The following ZBTB20 variants were observed in gnomAD, a reference collection of about 807,000 sequenced individuals.
ZBTB20 encodes the protein zinc finger and BTB domain containing 20.
In ZBTB20, 9 loss-of-function variants were observed where a neutral mutation model predicts 56.9. The ratio of observed to expected loss-of-function variants is 0.16; its 90% CI spans 0.10 to 0.28. ZBTB20 has a LOEUF of 0.28. ZBTB20 is among the 10% of genes least tolerant of loss of function. ZBTB20 has a pLI of 1.00. For missense variants in ZBTB20, 655 were observed against 1,003.0 expected (o/e 0.65, Z 4.69); for synonymous variants, 417 against 420.7 (o/e 0.99, Z 0.11).
intron 5 of ZBTB20, among the ~76,000 whole-genome samples, chr3:114,739,092 G>A (rs1360164531): frequency 6.6e-6 from 1 of 152,132 alleles, no homozygotes; most frequent in Non-Finnish European, 1.5e-5. Flanking sequence ...TATTGAAGTG[G>A]AAAGAACTAA....
At chr3:114,374,619 CTCTT>C (rs1294278679) in intron 10 of ZBTB20, among the ~76,000 whole-genome samples, 1 of 152,206 alleles carries the variant, frequency 6.6e-6, no homozygotes, top group Non-Finnish European at 1.5e-5. Context: ...CTAAGAATAA[CTCTT>C]TCAGTTATCA....
chr3:114,686,593 A>AAT (rs1466296644), intron 6 of ZBTB20, among the ~76,000 whole-genome samples: 1 of 151,998 alleles, frequency 6.6e-6, no homozygotes, highest in Admixed American at 6.6e-5. Flanking sequence ...AGGTCTTGTA[A>AAT]ATGTGTCTCA....
intron 6 of ZBTB20, among the ~76,000 whole-genome samples, chr3:114,573,948 T>G (rs2053723855): frequency 6.6e-6 from 1 of 152,166 alleles, no homozygotes; most frequent in South Asian, 2.1e-4. Context: ...CAGAGATAAC[T>G]CCTCTTTACA....
chr3:114,679,699 A>C (rs1054409989), intron 6 of ZBTB20, among the ~76,000 whole-genome samples: 1 of 152,206 alleles, frequency 6.6e-6, no homozygotes, highest in African/African-American at 2.4e-5. Flanking sequence ...ATGTAAATAT[A>C]GTTCAATGAT....
intron 3 of ZBTB20, among the ~76,000 whole-genome samples, chr3:114,910,584 T>A (rs1466612405): frequency 1.3e-5 from 2 of 151,998 alleles, no homozygotes; most frequent in African/African-American, 4.8e-5. Flanking sequence ...TAGCTATTAT[T>A]TATTTAGCTA....
chr3:114,740,968 G>GATAAAAATAATATT (rs2066528284), intron 5 of ZBTB20, among the ~76,000 whole-genome samples: 2 of 152,262 alleles, frequency 1.3e-5, no homozygotes, highest in South Asian at 4.1e-4. Context: ...TAAACATGGA[G>GATAAAAATAATATT]ATAAAAATAA....
intron 5 of ZBTB20, among the ~76,000 whole-genome samples, chr3:114,761,336 T>C (rs80025602): frequency 0.034 from 5,206 of 152,188 alleles, 143 homozygotes; most frequent in African/African-American, 0.07. Flanking sequence ...ATATAGTATC[T>C]CATTTAATTC....
intron 7 of ZBTB20, among the ~76,000 whole-genome samples, chr3:114,459,090 T>C (rs935258635): frequency 6.6e-6 from 1 of 152,186 alleles, no homozygotes; most frequent in Non-Finnish European, 1.5e-5. Context: ...GGTTTCTAGA[T>C]CTTTGCTCCT....
At chr3:115,056,835 G>C (rs1054870774) in intron 2 of ZBTB20, among the ~76,000 whole-genome samples, 15 of 152,112 alleles carry the variant, frequency 9.9e-5, no homozygotes, top group South Asian at 8.3e-4. Context: ...TATGAGAAAA[G>C]GAAGAGCAAA....
At chr3:114,807,132 T>C (rs1444056727) in intron 4 of ZBTB20, among the ~76,000 whole-genome samples, 2 of 152,036 alleles carry the variant, frequency 1.3e-5, no homozygotes, top group African/African-American at 2.4e-5. Flanking sequence ...AAAACGCCTT[T>C]ATTCTTTTTG....
At chr3:115,055,070 G>A (rs1048856618) in intron 2 of ZBTB20, among the ~76,000 whole-genome samples, 3 of 152,018 alleles carry the variant, frequency 2.0e-5, no homozygotes, top group Admixed American at 2.0e-4. Flanking sequence ...TGTACACAAT[G>A]CAGGTCCCAG....
In ZBTB20 at chr3:114,333,245, T is replaced by C. The variant is rs1281252080; in HGVS notation, c.*5760A>G. On this transcript the variant is annotated 3_prime_UTR_variant, in exon 12 of 12. Coordinates refer to ENST00000675478, the MANE Select transcript of ZBTB20 (RefSeq NM_001348800.3). ...TTTTCTTGTAAAGGTTTAAGTGATA[T>C]CAGAAATAGCAACTCTACACGGAAA... 1.3e-5 allele frequency: 2 copies of C among 152,190 alleles called. No individual in the cohort carries two copies. Among genetic ancestry groups the C allele is most frequent in the African/African-American group, 4.8e-5 (2 of 41,452 alleles). The allele number at this position is 152,190 out of a possible 1,614,324, so 9.4% of individuals were successfully genotyped here.
At chr3:114,370,128 G>A (rs2082841839) in intron 10 of ZBTB20, among the ~76,000 whole-genome samples, 1 of 152,154 alleles carries the variant, frequency 6.6e-6, no homozygotes, top group Admixed American at 6.6e-5. Context: ...CAATTGCCCT[G>A]TGAAATGGAA....
chr3:114,916,364 T>C (rs1241794902), intron 3 of ZBTB20, among the ~76,000 whole-genome samples: 1 of 152,134 alleles, frequency 6.6e-6, no homozygotes, highest in African/African-American at 2.4e-5. Context: ...GATATCAGTA[T>C]ATTTCAAGTA....
chr3:114,756,868 G>T (rs984002368), intron 5 of ZBTB20, among the ~76,000 whole-genome samples: 7 of 152,046 alleles, frequency 4.6e-5, no homozygotes, highest in African/African-American at 1.7e-4. Context: ...CTATGCTTGG[G>T]ACTTAAATAT....
intron 3 of ZBTB20, among the ~76,000 whole-genome samples, chr3:114,912,486 G>A (rs2075581197): frequency 1.3e-5 from 2 of 151,628 alleles, no homozygotes; most frequent in Admixed American, 6.6e-5. Context: ...TTGGAACACA[G>A]TAAGTATATA....
rs377622757 is a variant in ZBTB20 at position 114,681,578 on chromosome 3, C to G, written c.-295+11950G>C. 2.0e-5 allele frequency among the ~76,000 whole-genome samples: 3 copies of G among 152,212 alleles called. No homozygotes were observed. In the East Asian group the frequency reaches 5.8e-4, roughly 29 times the overall value. On this transcript the variant is annotated intron_variant, in intron 6 of 11. Transcript: ENST00000675478. ...TCACATTGCCTCTTCTTAGAATCCA[C>G]TTCTACACCAAAGCAGTTAAAATCA...
intron 1 of ZBTB20, among the ~76,000 whole-genome samples, chr3:115,118,789 C>G (rs1012232965): frequency 7.0e-6 from 1 of 142,802 alleles, no homozygotes; most frequent in Non-Finnish European, 1.5e-5. Context: ...GGCGCGATCT[C>G]CACTCACTGC....
intron 6 of ZBTB20, among the ~76,000 whole-genome samples, chr3:114,545,370 C>A (rs748856165): frequency 6.6e-6 from 1 of 152,074 alleles, no homozygotes; most frequent in Non-Finnish European, 1.5e-5. Flanking sequence ...TTTTAGGTTG[C>A]AAAATGCTTT....
Sources: allele counts gnomAD v4.1 joint callset (sites outside exome capture counted in the v4.1 genomes callset), GRCh38; gene constraint gnomAD v4.1.1; transcripts MANE v1.5; gene names NCBI Gene and HGNC (gene_info 2026-07-23, HGNC 2026-07-21).